Variants in POLR2F observed in about 807,000 individuals in gnomAD.
POLR2F encodes RNA polymerase II, I and III subunit F, also known as DNA-directed RNA polymerases I, II, and III subunit RPABC2.
Under a neutral mutation model 22.7 loss-of-function variants are expected in POLR2F, and 12 were observed. The ratio of observed to expected loss-of-function variants is 0.53; its 90% CI spans 0.34 to 0.86. POLR2F has a LOEUF of 0.86. Ranked by LOEUF, POLR2F falls within the 40% of genes least tolerant of loss-of-function variation. The pLI is 0.02. For synonymous variants in POLR2F, 57 were observed against 66.0 expected, an observed-to-expected ratio of 0.86 and a Z score of 0.66; for missense variants, 126 against 171.5, an observed-to-expected ratio of 0.73 and a Z score of 1.48.
At chr22:37,954,712 G>C (rs921160810) in intron 1 of POLR2F, among the ~76,000 whole-genome samples, 5 of 152,176 alleles carry the variant, frequency 3.3e-5, no homozygotes, top group Admixed American at 6.5e-5. Context: ...TAAAGATAGA[G>C]CCCAAAAATT....
At chr22:38,030,936 C>G (rs189558232), downstream of POLR2F, among the ~76,000 whole-genome samples, 1 of 152,084 alleles carries the variant, frequency 6.6e-6, no homozygotes, top group East Asian at 1.9e-4. Context: ...GTGGGAAAGG[C>G]AGGGTCTGTG....
chr22:37,999,129 G>A lies in POLR2F; in HGVS notation c.120+12817G>A, dbSNP rs1033532152. On this transcript the variant is annotated intron_variant, in intron 1 of 2. Coordinates refer to the POLR2F transcript ENST00000333418. Reference sequence around the variant, plus strand: ...CTGGGCAGCTGGCCCTGAGTTCCTGGGCTCTCCCAGTCTGCCCCCATCTTT... The same window carrying A: ...CTGGGCAGCTGGCCCTGAGTTCCTGAGCTCTCCCAGTCTGCCCCCATCTTT... Among the ~76,000 whole-genome samples the A allele has an allele frequency of 2.0e-5, 3 of 152,076 alleles. No individual in the cohort carries two copies. The East Asian group carries it at 5.8e-4, about 29-fold the overall frequency.
Position 37,956,151 on chromosome 22 carries a change from G to A in POLR2F, c.21-622G>A, listed in dbSNP as rs192810359. ...GTTGCCCAGGCTGGAGTGCAATGGC[G>A]TGATCTCAGCTCACCACAACCTCCG... On this transcript the variant is annotated intron_variant, in intron 1 of 4. Coordinates refer to ENST00000442738, the MANE Select transcript of POLR2F (RefSeq NM_021974.5). Among the ~76,000 whole-genome samples the A allele has an allele frequency of 4.5e-3, 679 of 151,806 alleles. 2 individuals carry two copies. The highest frequency in any genetic ancestry group is 0.016 in the African/African-American group (652 of 41,310).
Position 38,008,166 on chromosome 22 carries a change from G to T in POLR2F, c.121-17703G>T, listed in dbSNP as rs563042096. On this transcript the variant is annotated intron_variant, in intron 1 of 2. Coordinates refer to the POLR2F transcript ENST00000333418. ...GAGGCAGGAGAATCACTTGAACCCA[G>T]GAGGCAGAGGTTGCAGTGAGCAGAG... Among the ~76,000 whole-genome samples, 271 of 152,284 alleles carry T rather than the reference G, an allele frequency of 1.8e-3. 1 individual carries two copies. Among genetic ancestry groups the T allele is most frequent in the Middle Eastern group, 0.014 (4 of 294 alleles).
intron 1 of POLR2F, among the ~76,000 whole-genome samples, chr22:38,008,798 C>T (rs994459071): frequency 2.0e-5 from 3 of 148,620 alleles, no homozygotes; most frequent in Non-Finnish European, 3.0e-5. Context: ...GCAGAGGTTG[C>T]AGTGAGCCGA....
Position 37,968,225 on chromosome 22 carries a change from G to T in POLR2F, c.*510G>T, listed in dbSNP as rs994859416. Reference sequence around the variant, plus strand: ...ATCCCCTTTCAGGAGCAGTGCCCCAGCAGGAAGCGTGGGGGTGTGCTGATC... The same window carrying T: ...ATCCCCTTTCAGGAGCAGTGCCCCATCAGGAAGCGTGGGGGTGTGCTGATC... On this transcript the variant is annotated 3_prime_UTR_variant, in exon 5 of 5. Transcript: ENST00000442738. 6.1e-6 allele frequency: 6 copies of T among 985,332 alleles called. No homozygotes were observed. The highest frequency in any genetic ancestry group is 7.2e-6 in the Non-Finnish European group (6 of 829,990). 61.0% of individuals were successfully genotyped at this position (985,332 alleles called of 1,614,324 possible).
rs1201582249 is a variant in POLR2F at position 37,968,686 on chromosome 22, A to G, written c.*971A>G. The G allele has an allele frequency of 1.0e-6, 1 of 985,288 alleles. No homozygotes were observed. Among genetic ancestry groups the G allele is most frequent in the Non-Finnish European group, 1.2e-6 (1 of 829,938 alleles). The allele number at this position is 985,288 out of a possible 1,614,324, so 61.0% of individuals were successfully genotyped here. A position where few individuals can be genotyped will look rare whatever the true frequency, so the allele number is the denominator to read the frequency against. On this transcript the variant is annotated 3_prime_UTR_variant, in exon 5 of 5. Transcript: ENST00000442738. The stretch of plus-strand genomic sequence containing the variant: ...AGGGTGTATATTGACATGAACAGGG[A>G]TAGAGGGTAAACTGGCTCCCTGAAT...
chr22:37,970,698 C>T (rs967384321), downstream of POLR2F: 10 of 153,134 alleles, frequency 6.5e-5, no homozygotes, highest in Non-Finnish European at 1.4e-4. Flanking sequence ...CTCTTCATTT[C>T]GACCTTTATT....
intron 1 of POLR2F, among the ~76,000 whole-genome samples, chr22:38,003,088 G>A (rs2084788885): frequency 6.6e-6 from 1 of 152,110 alleles, no homozygotes; most frequent in Admixed American, 6.6e-5. Flanking sequence ...GAAAGCACAT[G>A]GAAAATTAGG....
In POLR2F at chr22:37,974,420, T is replaced by C. The variant is rs1237953404; in HGVS notation, c.293+7250T>C. ...CAGACTGGAGTGCAGTGGCGCCATC[T>C]CGGCTCACTGCAACCTCTGCCTCCT... On this transcript the variant is annotated intron_variant, in intron 4 of 4. Coordinates refer to the POLR2F transcript ENST00000405557. This position sits in a 1 kb window ranked among gnomAD's most constrained non-coding sequence, Gnocchi z 5.4. 1.3e-5 allele frequency among the ~76,000 whole-genome samples: 2 copies of C among 151,080 alleles called. No homozygotes were observed. Among genetic ancestry groups the C allele is most frequent in the Non-Finnish European group, 2.9e-5 (2 of 67,902 alleles).
At chr22:37,989,162 C>T (rs1569173820) in intron 1 of POLR2F, among the ~76,000 whole-genome samples, 2 of 152,136 alleles carry the variant, frequency 1.3e-5, no homozygotes, top group Admixed American at 1.3e-4. Flanking sequence ...ACCCAAGGGG[C>T]CTTAGGCAGA....
chr22:37,987,883 G>C (rs118166169), intron 1 of POLR2F: 1 of 155,862 alleles, frequency 6.4e-6, no homozygotes, highest in Non-Finnish European at 1.4e-5. Flanking sequence ...TACGGGGTTT[G>C]GCGTAGGGCA....
chr22:38,025,864 C>A, intron 1 of POLR2F: 1 of 1,056,168 alleles, frequency 9.5e-7, no homozygotes. Flanking sequence ...TGACATCCTC[C>A]CCAGGGCTGG....
At chr22:38,014,512 G>A (rs186350353) in intron 1 of POLR2F, among the ~76,000 whole-genome samples, 71 of 150,770 alleles carry the variant, frequency 4.7e-4, no homozygotes, top group African/African-American at 1.6e-3. Context: ...CACCACGCCC[G>A]GCTAATTTTT....
Position 37,968,823 on chromosome 22 carries a change from T to C in POLR2F, c.*1108T>C. 2.0e-6 allele frequency: 2 copies of C among 985,502 alleles called. No homozygotes were observed. Among genetic ancestry groups the C allele is most frequent in the Non-Finnish European group, 2.4e-6 (2 of 830,004 alleles). 61.0% of individuals were successfully genotyped at this position (985,502 alleles called of 1,614,324 possible). A position where few individuals can be genotyped will look rare whatever the true frequency, so the allele number is the denominator to read the frequency against. On this transcript the variant is annotated 3_prime_UTR_variant, in exon 5 of 5. Transcript: ENST00000442738. The stretch of plus-strand genomic sequence containing the variant: ...TCCAGGCCTAGGTGCAGCCTGGCCC[T>C]GGGATGGGATGTGGGGAGTGAATGG...
intron 1 of POLR2F, among the ~76,000 whole-genome samples, chr22:37,994,160 G>A (rs1038996129): frequency 6.6e-6 from 1 of 152,134 alleles, no homozygotes; most frequent in African/African-American, 2.4e-5. Flanking sequence ...CCTTTCTAGG[G>A]TGCAGAGTTG....
upstream of POLR2F, chr22:37,983,761 C>T (rs1932481362): frequency 6.7e-7 from 1 of 1,487,460 alleles, no homozygotes; most frequent in East Asian, 2.7e-5. This position sits in a 1 kb window ranked among gnomAD's most constrained non-coding sequence, Gnocchi z 9.5. Context: ...GCTCCACCTC[C>T]GATAGGTCCT....
Position 37,969,068 on chromosome 22 carries a change from T to A in POLR2F, c.*1353T>A, listed in dbSNP as rs1426990649. The A allele has an allele frequency of 1.0e-6, 1 of 985,318 alleles. No individual in the cohort carries two copies. Among genetic ancestry groups the A allele is most frequent in the African/African-American group, 1.7e-5 (1 of 57,216 alleles). 61.0% of individuals were successfully genotyped at this position (985,318 alleles called of 1,614,324 possible). On this transcript the variant is annotated 3_prime_UTR_variant, in exon 5 of 5. Transcript: ENST00000442738. ...ACTTTCTCGGCCCCATTTCTCTAAA[T>A]GGTCTCTTTGTTCCCTGCTGGGCTG... is the stretch of plus-strand genomic sequence containing the variant.
chr22:37,970,368 C>G (rs572478241), downstream of POLR2F, among the ~76,000 whole-genome samples: 1 of 148,636 alleles, frequency 6.7e-6, no homozygotes, highest in Non-Finnish European at 1.5e-5. Context: ...TTTAGGAGGC[C>G]GAGGCAAGCG....
Sources: gnomAD v4.1 joint callset for allele counts (sites outside exome capture counted in the v4.1 genomes callset) on GRCh38, gnomAD v4.1.1 for gene constraint, Gnocchi (gnomAD v3.1) non-coding constraint, MANE v1.5 for transcripts, NCBI Gene and HGNC (gene_info 2026-07-23, HGNC 2026-07-21) for gene names.